The following IL1RAPL2 variants were observed in gnomAD, a reference collection of about 807,000 sequenced individuals.
The protein encoded by IL1RAPL2 is interleukin 1 receptor accessory protein like 2.
A neutral mutation model predicts 44.1 loss-of-function variants in IL1RAPL2; 3 were observed. The ratio of observed to expected loss-of-function variants is 0.07; its 90% confidence interval spans 0.03 to 0.18. The LOEUF is 0.18. IL1RAPL2 is among the 10% of genes least tolerant of loss of function. IL1RAPL2 has a pLI of 1.00. For synonymous variants in IL1RAPL2, 181 were observed against 178.8 expected (o/e 1.01, Z -0.10); for missense variants, 391 against 496.4 (o/e 0.79, Z 2.02).
At chrX:105,479,758 T>A (rs1265462156) in intron 5 of IL1RAPL2, among the ~76,000 whole-genome samples, 3 of 105,087 alleles carry the variant, frequency 2.9e-5, no homozygotes, top group African/African-American at 3.5e-5. Flanking sequence ...AATAAAATAA[T>A]AAAATAAAAT....
intron 1 of IL1RAPL2, among the ~76,000 whole-genome samples, chrX:104,575,176 T>C (rs1397358271): frequency 9.0e-6 from 1 of 111,037 alleles, no homozygotes; most frequent in Non-Finnish European, 1.9e-5. Context: ...AGCAGGACTT[T>C]CTAATAATAA....
At chrX:105,167,834 A>G (rs1037734428) in intron 2 of IL1RAPL2, among the ~76,000 whole-genome samples, 1 of 110,705 alleles carries the variant, frequency 9.0e-6, no homozygotes, top group Non-Finnish European at 1.9e-5. Flanking sequence ...GAGTATTTGT[A>G]GGTGCCAAGA....
At chrX:104,830,273 G>T (rs973068045) in intron 2 of IL1RAPL2, among the ~76,000 whole-genome samples, 1 of 110,771 alleles carries the variant, frequency 9.0e-6, no homozygotes, top group Non-Finnish European at 1.9e-5. Flanking sequence ...TAGACCTGAA[G>T]GTAGGTACAA....
At chrX:105,592,109 G>A (rs1247307383) in intron 6 of IL1RAPL2, among the ~76,000 whole-genome samples, 4 of 111,645 alleles carry the variant, frequency 3.6e-5, no homozygotes, top group Non-Finnish European at 7.5e-5. Flanking sequence ...TGTGTTGGAT[G>A]GAAACAAATT....
At chrX:105,040,323 G>T (rs145517975) in intron 2 of IL1RAPL2, among the ~76,000 whole-genome samples, 46,583 of 110,441 alleles carry the variant, frequency 0.42, 8,684 homozygotes, top group East Asian at 0.74. Context: ...GTTCATGAAG[G>T]ATATTGGTCT....
At chrX:105,361,940 C>G (rs1458881429) in intron 5 of IL1RAPL2, among the ~76,000 whole-genome samples, 2 of 111,508 alleles carry the variant, frequency 1.8e-5, no homozygotes, top group Non-Finnish European at 3.8e-5. Flanking sequence ...GATCTGTCAT[C>G]CTCTACATGG....
chrX:105,547,762 A>G (rs1056864035), intron 6 of IL1RAPL2, among the ~76,000 whole-genome samples: 7 of 112,473 alleles, frequency 6.2e-5, no homozygotes, highest in African/African-American at 1.9e-4. Context: ...TTCAATGTGC[A>G]CATACTTTGT....
intron 2 of IL1RAPL2, among the ~76,000 whole-genome samples, chrX:104,698,028 G>T (rs1209147432): frequency 8.9e-6 from 1 of 112,003 alleles, no homozygotes; most frequent in Non-Finnish European, 1.9e-5. Context: ...CTTGCATGAT[G>T]GTTGGCAGGA....
intron 2 of IL1RAPL2, among the ~76,000 whole-genome samples, chrX:105,074,960 C>T (rs1275092097): frequency 9.0e-6 from 1 of 111,203 alleles, no homozygotes; most frequent in Admixed American, 9.6e-5. Context: ...ATGGGGTTTT[C>T]TAGATATACA....
In IL1RAPL2 at chrX:105,749,887, T is replaced by A. The variant is rs753562969; in HGVS notation, c.1192+784T>A. On this transcript the variant is annotated intron_variant, in intron 9 of 10. Transcript: ENST00000372582. The stretch of plus-strand genomic sequence containing the variant: ...TAAAGTTCTCATCCCGAAACTGCTG[T>A]AAGCCTTGGAAATGTGTATAGAATG... 5.4e-5 allele frequency among the ~76,000 whole-genome samples: 6 copies of A among 112,140 alleles called. No individual in the cohort carries two copies. In the East Asian group the frequency reaches 1.4e-3, roughly 26 times the overall value.
chrX:104,743,631 C>A (rs1026231142), intron 2 of IL1RAPL2, among the ~76,000 whole-genome samples: 15 of 111,280 alleles, frequency 1.3e-4, no homozygotes, highest in East Asian at 5.7e-4. Context: ...AGCCTCTGAG[C>A]TTTTCTTTAG....
At chrX:104,658,059 C>T (rs975003749) in intron 1 of IL1RAPL2, among the ~76,000 whole-genome samples, 4 of 112,026 alleles carry the variant, frequency 3.6e-5, no homozygotes, top group East Asian at 5.6e-4. Context: ...GACAGTGTGG[C>T]GATTCCTCAA....
At chrX:104,732,093 A>ATTTGTG (rs1398576230) in intron 2 of IL1RAPL2, among the ~76,000 whole-genome samples, 1 of 112,142 alleles carries the variant, frequency 8.9e-6, no homozygotes, top group Non-Finnish European at 1.9e-5. Flanking sequence ...GTGGGAAATT[A>ATTTGTG]GAAAATATTT....
intron 2 of IL1RAPL2, among the ~76,000 whole-genome samples, chrX:105,029,194 CTT>C (rs921896891): frequency 1.1e-5 from 1 of 95,162 alleles, no homozygotes; most frequent in African/African-American, 3.7e-5. Context: ...TGTTAAGAGT[CTT>C]TTTTTTTTAG....
chrX:105,547,348 C>A (rs748857055), intron 6 of IL1RAPL2, among the ~76,000 whole-genome samples: 56 of 112,287 alleles, frequency 5.0e-4, no homozygotes, highest in Non-Finnish European at 9.2e-4. Flanking sequence ...GAATTACAAT[C>A]ATAGATTCTG....
chrX:105,318,550 CCAAA>C (rs1471905864), intron 5 of IL1RAPL2, among the ~76,000 whole-genome samples: 2 of 110,900 alleles, frequency 1.8e-5, no homozygotes, highest in Middle Eastern at 4.7e-3. Flanking sequence ...ATGGGTTATT[CCAAA>C]CAGAGACAAG....
chrX:105,431,395 C>G (rs1365140541), intron 5 of IL1RAPL2, among the ~76,000 whole-genome samples: 2 of 111,534 alleles, frequency 1.8e-5, no homozygotes, highest in Non-Finnish European at 3.8e-5. Flanking sequence ...CAAAATGAAG[C>G]AGATGGATAG....
intron 2 of IL1RAPL2, among the ~76,000 whole-genome samples, chrX:105,045,715 C>G (rs1442773909): frequency 1.8e-5 from 2 of 110,481 alleles, no homozygotes; most frequent in Non-Finnish European, 3.8e-5. Context: ...ACTTGGCTAA[C>G]TTTTTAAAAT....
chrX:105,405,768 A>G, intron 5 of IL1RAPL2: 2 of 1,038,522 alleles, frequency 1.9e-6, no homozygotes, highest in Non-Finnish European at 2.7e-6. Flanking sequence ...GCATTCAAGA[A>G]ATATTTATCA....
Sources: gnomAD v4.1 joint callset for allele counts (sites outside exome capture counted in the v4.1 genomes callset) on GRCh38, gnomAD v4.1.1 for gene constraint, MANE v1.5 for transcripts, NCBI Gene and HGNC (gene_info 2026-07-23, HGNC 2026-07-21) for gene names.